CLCN6: variants seen among roughly 807,000 people sequenced by gnomAD.
The protein encoded by CLCN6 is Cl-/H+ antiporter 6.
In CLCN6, 70 loss-of-function variants were observed where a neutral mutation model predicts 109.8. The ratio of observed to expected loss-of-function variants is 0.64; its 90% confidence interval spans 0.53 to 0.78. The LOEUF (loss-of-function observed/expected upper bound fraction) is 0.78, where lower values mean the gene tolerates loss of function less well. Among genes scored for constraint, CLCN6 ranks in the 30% least tolerant of loss-of-function variants. The pLI, the probability that CLCN6 is intolerant of heterozygous loss-of-function variation, is 0.00. For synonymous variants in CLCN6, 444 were observed against 447.8 expected (o/e 0.99, Z 0.11); for missense variants, 984 against 1,142.3 (o/e 0.86, Z 2.00).
At position 11,834,261 on chromosome 1, in the gene CLCN6, T is replaced by G; in HGVS notation, c.1552T>G (p.Ser518Ala). The G allele has an allele frequency of 6.2e-7, 1 of 1,614,014 alleles. No homozygotes were observed. The highest frequency in any genetic ancestry group is 8.5e-7 in the Non-Finnish European group (1 of 1,179,964). ...CTACATTGGATTGGGCCACATCTAT[T>G]CGGGGACCTTTGCCCTGATTGGTGC... ...KSYIGLGHIY[S>A]GTFALIGAAA... The change falls in exon 16 of 23, where the codon TCG (serine) becomes GCG (alanine). Residue 518 changes from serine to alanine, a missense_variant. By Grantham distance (99) the Ser-to-Ala change is moderately conservative. Transcript: ENST00000346436. The surrounding 1 kb of genome is among the most constrained non-coding windows in gnomAD (Gnocchi z 4.5).
intron 17 of CLCN6, among the ~76,000 whole-genome samples, chr1:11,835,447 AT>A (rs539594969): frequency 6.6e-6 from 1 of 151,662 alleles, no homozygotes; most frequent in African/African-American, 2.4e-5. Context: ...AATTTTTAAC[AT>A]TTTTTTTATA....
intron 2 of CLCN6, among the ~76,000 whole-genome samples, chr1:11,812,830 A>G (rs917882841): frequency 6.6e-5 from 10 of 151,994 alleles, no homozygotes; most frequent in Non-Finnish European, 1.2e-4. Context: ...CCGTTCCCTT[A>G]TCTACCTAGA....
chr1:11,836,952 G>T, intron 18 of CLCN6, 47 bp from the exon 19 acceptor site: 1 of 1,598,032 alleles, frequency 6.3e-7, no homozygotes, highest in Non-Finnish European at 8.5e-7. Flanking sequence ...CAGTACTGCT[G>T]TGTTCGTTTG....
intron 8 of CLCN6, among the ~76,000 whole-genome samples, chr1:11,824,822 C>T (rs1470011965): frequency 6.6e-6 from 1 of 152,124 alleles, no homozygotes; most frequent in Non-Finnish European, 1.5e-5. Flanking sequence ...CTTCCATAGC[C>T]ATCACCAGGC....
At chr1:11,826,629 T>G (rs1644815141) in intron 9 of CLCN6, among the ~76,000 whole-genome samples, 1 of 152,206 alleles carries the variant, frequency 6.6e-6, no homozygotes, top group African/African-American at 2.4e-5. Context: ...CTCGTAAGGC[T>G]CTTTCAATCA....
Position 11,837,464 on chromosome 1 carries a change from C to T in CLCN6, c.2260C>T (p.Leu754Phe). ...LILRSQLVTL[L>F]VRGVCYSESQ... is the part of the protein sequence containing the mutation. ...CCTTCGGTCGCAGCTTGTCACCCTG[C>T]TTGTCCGAGGAGTTTGTTACTCTGA... Residue 754 changes from leucine (L) to phenylalanine (F), a missense_variant, in exon 20 of 23, where the codon CTT becomes TTT. Coordinates refer to ENST00000346436, the MANE Select transcript of CLCN6 (RefSeq NM_001286.5). The T allele has an allele frequency of 1.2e-6, 2 of 1,614,104 alleles. No homozygotes were observed. The highest frequency in any genetic ancestry group is 1.7e-6 in the Non-Finnish European group (2 of 1,179,962).
chr1:11,836,226 C>A, intron 18 of CLCN6, 73 bp downstream of exon 18: 1 of 1,415,532 alleles, frequency 7.1e-7, no homozygotes, highest in Admixed American at 2.3e-5. Flanking sequence ...TAGTGCTTTG[C>A]CCACCCCTGG....
intron 10 of CLCN6, 120 bp from the exon 11 acceptor site, chr1:11,827,986 G>A: frequency 1.3e-6 from 1 of 747,290 alleles, no homozygotes; most frequent in Non-Finnish European, 2.4e-6. Context: ...CTAGATCTCT[G>A]TACCCGGATG....
intron 5 of CLCN6, among the ~76,000 whole-genome samples, chr1:11,821,719 A>G (rs1176025744): frequency 6.6e-6 from 1 of 152,220 alleles, no homozygotes; most frequent in Non-Finnish European, 1.5e-5. Context: ...TGACTCATAC[A>G]TTCCTCTTAG....
At chr1:11,816,728 G>T (rs762414028) in intron 4 of CLCN6, 48 bp downstream of exon 4, 8 of 1,479,862 alleles carry the variant, frequency 5.4e-6, no homozygotes, top group Non-Finnish European at 7.5e-6. Flanking sequence ...GGCTGGAGGG[G>T]CTTACAGGGA....
rs145827218 is a variant in CLCN6, at chr1:11,824,890, G to A, written c.648+337G>A. Among the ~76,000 whole-genome samples the A allele has an allele frequency of 3.0e-4, 46 of 152,296 alleles. 3 individuals are homozygous for A. The highest frequency in any genetic ancestry group is 5.2e-4 in the Admixed American group (8 of 15,300). The stretch of plus-strand genomic sequence containing the variant: ...CAGTGCTGCCAGATCCAAGAGGCTC[G>A]AAGCATCGACTGACATGGTTTTAGG... On this transcript the variant is annotated intron_variant, in intron 8 of 22. Transcript: ENST00000346436.
chr1:11,821,332 C>T lies in CLCN6; in HGVS notation c.347-1363C>T, dbSNP rs951015298. 1.6e-4 allele frequency among the ~76,000 whole-genome samples: 24 copies of T among 152,160 alleles called. 3 individuals carry two copies. Among genetic ancestry groups the T allele is most frequent in the Admixed American group, 5.2e-4 (8 of 15,280 alleles). ...CAGCACTTTGGGAGGCCGAGGCAGG[C>T]GGATCACTTGAGGTCAGGAGTTCAA... On this transcript the variant is annotated intron_variant, in intron 5 of 22. Transcript: ENST00000346436.
At chr1:11,812,514 A>AG (rs1186428897) in intron 2 of CLCN6, among the ~76,000 whole-genome samples, 1 of 152,064 alleles carries the variant, frequency 6.6e-6, no homozygotes, top group African/African-American at 2.4e-5. Flanking sequence ...TCCTCCCTGG[A>AG]GGGATGGGTG....
Position 11,829,248 on chromosome 1 carries a change from G to T in CLCN6, c.1174G>T (p.Ala392Ser), listed in dbSNP as rs368324581. ...GGTAACCACCGTGGTGGTGTTTGTG[G>T]CCTCGATGGTGTTAGGAGAATGCCG... ...SLVTTVVVFV[A>S]SMVLGECRQM... Residue 392 changes from alanine to serine, a missense_variant, in exon 13 of 23, where the codon GCC becomes TCC. By Grantham distance (99) the Ala-to-Ser change is moderately conservative (BLOSUM62 1). Transcript: ENST00000346436. The T allele has an allele frequency of 8.1e-6, 13 of 1,614,042 alleles. No homozygotes were observed. Among genetic ancestry groups the T allele is most frequent in the Non-Finnish European group, 1.1e-5 (13 of 1,180,024 alleles).
chr1:11,826,097 C>A, intron 8 of CLCN6, 59 bp from the exon 9 acceptor site: 1 of 1,169,938 alleles, frequency 8.5e-7, no homozygotes, highest in Non-Finnish European at 1.3e-6. Flanking sequence ...TACTGGGGTA[C>A]AGGTAGTATT....
At chr1:11,836,443 T>C (rs528612913) in intron 18 of CLCN6, among the ~76,000 whole-genome samples, 1 of 152,166 alleles carries the variant, frequency 6.6e-6, no homozygotes, top group Non-Finnish European at 1.5e-5. Flanking sequence ...GGGAGAGTTC[T>C]AGAGATGCCA....
At chr1:11,828,050 A>C in intron 10 of CLCN6, 56 bp from the exon 11 acceptor site, 1 of 1,291,870 alleles carries the variant, frequency 7.7e-7, no homozygotes, top group Non-Finnish European at 1.1e-6. Flanking sequence ...AAGGGTTGGG[A>C]GAGAGTAGGA....
At position 11,823,775 on chromosome 1, in the gene CLCN6, C is replaced by T. The variant is rs147734059; in HGVS notation, c.522C>T (p.Ile174=). The T allele has an allele frequency of 2.0e-4, 320 of 1,614,262 alleles. No homozygotes were observed. The East Asian group carries it at 6.5e-3, about 33-fold the overall frequency. Residue 174 remains isoleucine, a synonymous_variant, in exon 7 of 23, where the codon ATC becomes ATT. Transcript: ENST00000346436. ...CYLNGVKVPG[I]VRLRTLLCKV... is the part of the protein sequence containing the mutation. Reference sequence around the variant, plus strand: ...TGAATGGCGTAAAGGTGCCAGGAATCGTCCGTCTCCGGACCCTGCTCTGCA... The same window carrying T: ...TGAATGGCGTAAAGGTGCCAGGAATTGTCCGTCTCCGGACCCTGCTCTGCA...
rs558331623 is a variant in CLCN6 at position 11,843,023 on chromosome 1, T to C, written c.*2800T>C. The C allele has an allele frequency of 5.9e-5, 9 of 152,378 alleles. No individual in the cohort carries two copies. In the East Asian group the frequency reaches 1.7e-3, roughly 29 times the overall value. The allele number at this position is 152,378 out of a possible 1,614,324, so 9.4% of individuals were successfully genotyped here. ...ATGTTAGCTAATTCCACTGTGTATA[T>C]AAATTGTATTTTTTTTAATTTGTAA... On this transcript the variant is annotated 3_prime_UTR_variant, in exon 23 of 23. Transcript: ENST00000346436.
Sources: gnomAD v4.1 joint callset for allele counts (sites outside exome capture counted in the v4.1 genomes callset) on GRCh38, gnomAD v4.1.1 for gene constraint, Gnocchi (gnomAD v3.1) non-coding constraint, MANE v1.5 for transcripts, NCBI Gene and HGNC (gene_info 2026-07-23, HGNC 2026-07-21) for gene names.